Variants in IL7R observed in about 807,000 individuals in gnomAD.
The protein encoded by IL7R is interleukin 7 receptor.
Under a neutral mutation model 47.0 loss-of-function variants are expected in IL7R, and 38 were observed. The ratio of observed to expected loss-of-function variants is 0.81; its 90% CI spans 0.62 to 1.06. The LOEUF (loss-of-function observed/expected upper bound fraction) is 1.06. IL7R is among the 50% of genes least tolerant of loss of function. IL7R has a pLI of 0.00. For synonymous variants in IL7R, 221 were observed against 199.8 expected (o/e 1.11, Z -0.89); for missense variants, 633 against 534.8 (o/e 1.18, Z -1.81).
Position 35,857,036 on chromosome 5 carries a change from G to A in IL7R, c.59G>A (p.Gly20Glu), listed in dbSNP as rs1759663249. 1.9e-6 allele frequency: 3 copies of A among 1,607,928 alleles called. No homozygotes were observed. The highest frequency in any genetic ancestry group is 2.6e-6 in the Non-Finnish European group (3 of 1,175,016). The change falls in exon 1 of 8, where the codon GGA (glycine) becomes GAA (glutamate). Residue 20 changes from glycine (G) to glutamate (E), a missense_variant. Physicochemically the swap from Gly to Glu is moderately conservative, Grantham distance 98. Transcript: ENST00000303115. ...TTTTCTTTACTTCAAGTCGTTTCTGGAGAAAGTGGCTATGCTCAAAATGGT... is the reference window on the plus strand; with the variant it reads ...TTTTCTTTACTTCAAGTCGTTTCTGAAGAAAGTGGCTATGCTCAAAATGGT... ...MVFSLLQVVS[G>E]ESGYAQNGDL... is the part of the protein sequence containing the mutation.
chr5:35,861,859 A>G (rs1457536277), intron 2 of IL7R, among the ~76,000 whole-genome samples: 2 of 152,134 alleles, frequency 1.3e-5, no homozygotes, highest in African/African-American at 4.8e-5. Flanking sequence ...GCTATCTCCA[A>G]ATTCATATCC....
chr5:35,868,394 A>G (rs190114702), intron 3 of IL7R, among the ~76,000 whole-genome samples: 30 of 152,348 alleles, frequency 2.0e-4, no homozygotes, highest in Non-Finnish European at 1.5e-5. Flanking sequence ...GTTTTGTTTC[A>G]CTAAGATGAT....
At chr5:35,865,530 G>A (rs912867464) in intron 2 of IL7R, among the ~76,000 whole-genome samples, 6 of 152,092 alleles carry the variant, frequency 3.9e-5, no homozygotes, top group Non-Finnish European at 7.4e-5. Flanking sequence ...TTGAGGACTC[G>A]CCACACTGTC....
rs975811399 is a variant in IL7R at position 35,878,560 on chromosome 5, C to G, written c.*2074C>G. The G allele has an allele frequency of 3.0e-5, 7 of 232,796 alleles. No homozygotes were observed. Among genetic ancestry groups the G allele is most frequent in the Admixed American group, 2.3e-4 (4 of 17,762 alleles). 14.4% of individuals were successfully genotyped at this position (232,796 alleles called of 1,614,324 possible). A position where few individuals can be genotyped will look rare whatever the true frequency, so the allele number is the denominator to read the frequency against. ...AAGTAGAATCTGCCTGGTTTGTAGG[C>G]AGCAGAAGACATTTTTCATCAGTGG... On this transcript the variant is annotated 3_prime_UTR_variant, in exon 8 of 8. Coordinates refer to ENST00000303115, the MANE Select transcript of IL7R (RefSeq NM_002185.5).
chr5:35,860,661 T>C (rs1353536818), intron 1 of IL7R, among the ~76,000 whole-genome samples, 191 bp from the exon 2 acceptor site: 1 of 152,164 alleles, frequency 6.6e-6, no homozygotes, highest in Non-Finnish European at 1.5e-5. Context: ...TTGTTTTTTG[T>C]TTTTTGTTGG....
At position 35,876,752 on chromosome 5, in the gene IL7R, A is replaced by G. The variant is rs1760228668; in HGVS notation, c.*266A>G. 1 of 501,686 alleles carries G rather than the reference A, an allele frequency of 2.0e-6. No homozygotes were observed. Among genetic ancestry groups the G allele is most frequent in the Non-Finnish European group, 3.6e-6 (1 of 280,074 alleles). The allele number at this position is 501,686 out of a possible 1,614,324, so 31.1% of individuals were successfully genotyped here. On this transcript the variant is annotated 3_prime_UTR_variant, in exon 8 of 8. Transcript: ENST00000303115. ...AATGATTCAGCTATTTAAAAAAAAA[A>G]GAGGAAAGAATGAAAGAGTAAAGGA...
intron 1 of IL7R, among the ~76,000 whole-genome samples, chr5:35,858,228 T>C (rs1393138626): frequency 6.6e-6 from 1 of 152,178 alleles, no homozygotes; most frequent in African/African-American, 2.4e-5. Flanking sequence ...CTCCAACTTT[T>C]TAAGTTTCAG....
chr5:35,873,021 GT>G (rs11406102), intron 4 of IL7R, among the ~76,000 whole-genome samples: 6 of 151,140 alleles, frequency 4.0e-5, no homozygotes, highest in Admixed American at 6.6e-5. Flanking sequence ...TGATAGAGTG[GT>G]TTTTTTTTAA....
Position 35,865,172 on chromosome 5 carries a change from A to C in IL7R, c.222-2134A>C, listed in dbSNP as rs534446307. 3.9e-5 allele frequency among the ~76,000 whole-genome samples: 6 copies of C among 152,162 alleles called. No individual in the cohort carries two copies. The South Asian group carries it at 1.2e-3, about 32-fold the overall frequency. On this transcript the variant is annotated intron_variant, in intron 2 of 7. Transcript: ENST00000303115. ...CCCCTTCCTGTGTCCAAGTGCTCTT[A>C]TCGTTCAATTCCCATCTATGAGTGA...
chr5:35,869,634 G>T (rs1250684707), intron 3 of IL7R, among the ~76,000 whole-genome samples: 2 of 152,162 alleles, frequency 1.3e-5, no homozygotes, highest in African/African-American at 4.8e-5. Context: ...GTACTTAGGA[G>T]ATGTGTTCTT....
rs1289093536 is a variant in IL7R, at chr5:35,877,192, G to A, written c.*706G>A. On this transcript the variant is annotated 3_prime_UTR_variant, in exon 8 of 8. Coordinates refer to ENST00000303115, the MANE Select transcript of IL7R (RefSeq NM_002185.5). ...GATCCAAACTGAGTCAGTTTGGAAA[G>A]TGAAAGGGAAACTTACATATAATCC... is the stretch of plus-strand genomic sequence containing the variant. 6 of 233,198 alleles carry A rather than the reference G, an allele frequency of 2.6e-5. No homozygotes were observed. The highest frequency in any genetic ancestry group is 4.2e-5 in the Non-Finnish European group (5 of 118,116). 14.4% of individuals were successfully genotyped at this position (233,198 alleles called of 1,614,324 possible). A position where few individuals can be genotyped will look rare whatever the true frequency, so the allele number is the denominator to read the frequency against.
At position 35,867,282 on chromosome 5, in the gene IL7R, C is replaced by A. The variant is rs760580267; in HGVS notation, c.222-24C>A. 4 of 1,609,390 alleles carry A rather than the reference C, an allele frequency of 2.5e-6. No individual in the cohort carries two copies. The African/African-American group carries it at 5.3e-5, about 21-fold the overall frequency. Reference sequence around the variant, plus strand: ...ACAGGAACTCCTACCTGAATCAAGACATATCCCCTTTTTATTCCTACAGTG... The same window carrying A: ...ACAGGAACTCCTACCTGAATCAAGAAATATCCCCTTTTTATTCCTACAGTG... On this transcript the variant is annotated intron_variant, in intron 2 of 7. Transcript: ENST00000303115.
intron 5 of IL7R, 50 bp downstream of exon 5, chr5:35,873,698 A>G: frequency 6.5e-7 from 1 of 1,545,670 alleles, no homozygotes; most frequent in Non-Finnish European, 8.9e-7. Flanking sequence ...TTTGCATGTC[A>G]AAGTGTGGGA....
intron 1 of IL7R, among the ~76,000 whole-genome samples, chr5:35,859,265 A>C (rs1487108715): frequency 6.6e-6 from 1 of 152,180 alleles, no homozygotes; most frequent in Non-Finnish European, 1.5e-5. Context: ...GTGAAGACAA[A>C]GCCGACCCAC....
At position 35,857,043 on chromosome 5, in the gene IL7R, T is replaced by C. The variant is rs1165388643; in HGVS notation, c.66T>C (p.Ser22=). 2 of 1,603,674 alleles carry C rather than the reference T, an allele frequency of 1.2e-6. No homozygotes were observed. The highest frequency in any genetic ancestry group is 1.7e-6 in the Non-Finnish European group (2 of 1,171,118). ...FSLLQVVSGE[S]GYAQNGDLED... ...TACTTCAAGTCGTTTCTGGAGAAAG[T>C]GGCTATGCTCAAAATGGTGAGTCAT... Residue 22 remains serine (S), a synonymous_variant, in exon 1 of 8, where the codon AGT becomes AGC. Coordinates refer to ENST00000303115, the MANE Select transcript of IL7R (RefSeq NM_002185.5).
intron 7 of IL7R, 64 bp from the exon 8 acceptor site, chr5:35,875,919 C>T (rs1760193343): frequency 6.4e-7 from 1 of 1,555,668 alleles, no homozygotes; most frequent in Admixed American, 1.7e-5. Context: ...TACTCCTGAA[C>T]TGAACATTTG....
chr5:35,859,453 G>C (rs886601513), intron 1 of IL7R, among the ~76,000 whole-genome samples: 1 of 152,088 alleles, frequency 6.6e-6, no homozygotes, highest in African/African-American at 2.4e-5. Context: ...TCATTATTTC[G>C]TGCTGTCATC....
chr5:35,858,857 A>G (rs916522786), intron 1 of IL7R, among the ~76,000 whole-genome samples: 1 of 152,188 alleles, frequency 6.6e-6, no homozygotes, highest in Non-Finnish European at 1.5e-5. Context: ...GTCTTAGAGA[A>G]GTTGCCTACC....
chr5:35,857,762 A>G (rs752831290), intron 1 of IL7R, among the ~76,000 whole-genome samples: 22 of 152,118 alleles, frequency 1.4e-4, no homozygotes, highest in Non-Finnish European at 2.8e-4. Context: ...AACCCTGCCC[A>G]TACATAAACA....
Sources: gnomAD v4.1 joint callset for allele counts (sites outside exome capture counted in the v4.1 genomes callset) on GRCh38, gnomAD v4.1.1 for gene constraint, MANE v1.5 for transcripts, NCBI Gene and HGNC (gene_info 2026-07-23, HGNC 2026-07-21) for gene names.